EHMT1: variants seen among roughly 807,000 people sequenced by gnomAD.
EHMT1 encodes histone-lysine N-methyltransferase EHMT1.
EHMT1 carries 15 observed loss-of-function variants against 147.2 expected under a neutral mutation model. The observed-to-expected ratio is 0.10, with a 90% CI of 0.07 to 0.16. The LOEUF is 0.16. EHMT1 is among the 10% of genes least tolerant of loss of function. The pLI, the probability that EHMT1 is intolerant of heterozygous loss-of-function variation, is 1.00. For missense variants in EHMT1, 1,587 were observed against 1,772.4 expected, an observed-to-expected ratio of 0.90 and a Z score of 1.88; for synonymous variants, 795 against 709.6, an observed-to-expected ratio of 1.12 and a Z score of -1.91.
At chr9:137,634,165 T>C (rs2133675495) in intron 1 of EHMT1, among the ~76,000 whole-genome samples, 1 of 152,332 alleles carries the variant, frequency 6.6e-6, no homozygotes, top group Non-Finnish European at 1.5e-5. Context: ...TTTTAATTTT[T>C]GATGAAATCC....
intron 9 of EHMT1, among the ~76,000 whole-genome samples, chr9:137,761,785 G>T (rs1351869309): frequency 6.6e-6 from 1 of 152,216 alleles, no homozygotes; most frequent in Admixed American, 6.5e-5. Context: ...ATTAAGAGAG[G>T]TAATAGTGAG....
In EHMT1 at chr9:137,815,969, T is replaced by G; in HGVS notation, c.3281T>G (p.Phe1094Cys). ...YDKDGRLLPE[F>C]NMAEPPLIFE... ...CAGGATGGCCGGCTCCTGCCAGAGTTCAACATGGCGGAGCCTCCCTTGATC... is the reference window on the plus strand; with the variant it reads ...CAGGATGGCCGGCTCCTGCCAGAGTGCAACATGGCGGAGCCTCCCTTGATC... The change falls in exon 23 of 27, where the codon TTC (phenylalanine) becomes TGC (cysteine). Residue 1094 changes from phenylalanine to cysteine, a missense_variant. Transcript: ENST00000460843. The G allele has an allele frequency of 6.2e-7, 1 of 1,610,146 alleles. No individual in the cohort carries two copies. Among genetic ancestry groups the G allele is most frequent in the Non-Finnish European group, 8.5e-7 (1 of 1,178,258 alleles).
At chr9:137,712,647 C>T (rs1005167372) in intron 2 of EHMT1, among the ~76,000 whole-genome samples, 32 of 152,238 alleles carry the variant, frequency 2.1e-4, no homozygotes, top group African/African-American at 7.2e-4. Flanking sequence ...GTTGAGTTTT[C>T]AGTGTTCTTT....
intron 1 of EHMT1, among the ~76,000 whole-genome samples, chr9:137,704,190 C>T (rs907636836): frequency 2.0e-5 from 3 of 152,186 alleles, no homozygotes; most frequent in Admixed American, 6.5e-5. Context: ...TTCGGGATTA[C>T]AGTTCAACAT....
At chr9:137,759,682 G>A (rs569677894) in intron 9 of EHMT1, among the ~76,000 whole-genome samples, 1 of 152,364 alleles carries the variant, frequency 6.6e-6, no homozygotes, top group African/African-American at 2.4e-5. Flanking sequence ...GTCAGTCAGC[G>A]ATTGGCCTGT....
intron 23 of EHMT1, 70 bp from the exon 24 acceptor site, chr9:137,817,369 G>T: frequency 1.3e-6 from 2 of 1,571,948 alleles, no homozygotes; most frequent in Non-Finnish European, 1.8e-6. Flanking sequence ...GCACCAGCTG[G>T]CTTTTGCTGA....
chr9:137,815,456 C>G (rs948283116), intron 22 of EHMT1: 1 of 247,394 alleles, frequency 4.0e-6, no homozygotes, highest in Non-Finnish European at 8.0e-6. Context: ...CTCACACAGC[C>G]CTGGGGGAGC....
At position 137,787,093 on chromosome 9, in the gene EHMT1, A is replaced by G. The variant is rs1952038213; in HGVS notation, c.2383-3755A>G. On this transcript the variant is annotated intron_variant, in intron 15 of 26. Transcript: ENST00000460843. This position sits in a 1 kb window ranked among gnomAD's most constrained non-coding sequence, Gnocchi z 4.2. ...TCGGTGTCCTGGTCCCTCGTGTTGC[A>G]AGATTTCATGCCGTGTCTGCAGTTT... 1 of 152,222 alleles carries G rather than the reference A, an allele frequency of 6.6e-6. No homozygotes were observed. Among genetic ancestry groups the G allele is most frequent in the Non-Finnish European group, 1.5e-5 (1 of 68,170 alleles). 9.4% of individuals were successfully genotyped at this position (152,222 alleles called of 1,614,324 possible). A position where few individuals can be genotyped will look rare whatever the true frequency, so the allele number is the denominator to read the frequency against.
intron 1 of EHMT1, chr9:137,665,090 G>A (rs1394936311): frequency 6.6e-6 from 1 of 152,034 alleles, no homozygotes; most frequent in Non-Finnish European, 1.5e-5. Context: ...AGAAGGATTG[G>A]TGTTATTTAC....
intron 9 of EHMT1, among the ~76,000 whole-genome samples, chr9:137,760,845 T>TA (rs1949752914): frequency 6.6e-6 from 1 of 152,076 alleles, no homozygotes; most frequent in South Asian, 2.1e-4. Flanking sequence ...CCGTCTCTAC[T>TA]GAAATACAAA....
chr9:137,679,171 G>A (rs1329839467), intron 1 of EHMT1, among the ~76,000 whole-genome samples: 1 of 152,084 alleles, frequency 6.6e-6, no homozygotes, highest in East Asian at 1.9e-4. Context: ...GGCTGGTCTC[G>A]AACTCCTGAC....
intron 1 of EHMT1, among the ~76,000 whole-genome samples, chr9:137,703,548 C>T (rs963583836): frequency 2.0e-5 from 3 of 152,126 alleles, no homozygotes; most frequent in African/African-American, 7.2e-5. Context: ...TTCAAAGTTC[C>T]ACAGATCCTT....
Position 137,814,492 on chromosome 9 carries a change from G to T in EHMT1, c.3242G>T (p.Arg1081Leu). The T allele has an allele frequency of 6.2e-7, 1 of 1,607,580 alleles. No individual in the cohort carries two copies. The change falls in exon 22 of 27, where the codon CGC becomes CTC. Residue 1081 changes from arginine (R) to leucine (L), a missense_variant. Arg to Leu is a moderately radical substitution (Grantham distance 102, BLOSUM62 -2). Coordinates refer to ENST00000460843, the MANE Select transcript of EHMT1 (RefSeq NM_024757.5). Reference protein sequence around the residue: ...SNCMCGQLSMRCWYDKDGRLL... With the variant: ...SNCMCGQLSMLCWYDKDGRLL... The stretch of plus-strand genomic sequence containing the variant: ...TGCATGTGCGGCCAGCTCAGCATGC[G>T]CTGCTGGTACGACAAGGTGAGGGCG...
chr9:137,673,674 G>A (rs1177608161), intron 1 of EHMT1, among the ~76,000 whole-genome samples: 1 of 152,246 alleles, frequency 6.6e-6, no homozygotes, highest in Non-Finnish European at 1.5e-5. Flanking sequence ...CTGCCCTCAG[G>A]GAGGCTCTGG....
rs769561363 is a variant in EHMT1 at position 137,716,632 on chromosome 9, C to G, written c.92C>G (p.Pro31Arg). The G allele has an allele frequency of 7.0e-6, 11 of 1,565,970 alleles. No homozygotes were observed. The East Asian group carries it at 2.3e-4, about 32-fold the overall frequency. ...VKTELLGEET[P>R]MAADEGSAEK... ...CTCGTTTCTTTGTTGGCAGAGACAC[C>G]TATGGCTGCCGATGAAGGCTCAGCA... Residue 31 changes from proline to arginine, a missense_variant, in exon 3 of 27, where the codon CCT (proline) becomes CGT (arginine). Physicochemically the swap from Pro to Arg is moderately radical, Grantham distance 103. This residue lies in a region of EHMT1 where 810 missense variants were observed against 673.0 expected (regional missense o/e 1.20). Transcript: ENST00000460843.
At chr9:137,623,817 T>C (rs1843087986) in intron 1 of EHMT1, among the ~76,000 whole-genome samples, 1 of 152,098 alleles carries the variant, frequency 6.6e-6, no homozygotes, top group South Asian at 2.1e-4. Context: ...CAGTTTTCAT[T>C]GTTGCTCTTG....
In EHMT1 at chr9:137,619,495, C is replaced by T. The variant is rs372607893; in HGVS notation, c.21+446C>T. Reference sequence around the variant, plus strand: ...CGCCGGCCGAGGCGAGGCTGTCCCTCCTCTCGGAGCTCTTCCTTCGCTTCG... The same window carrying T: ...CGCCGGCCGAGGCGAGGCTGTCCCTTCTCTCGGAGCTCTTCCTTCGCTTCG... On this transcript the variant is annotated intron_variant, in intron 1 of 26. Coordinates refer to ENST00000460843, the MANE Select transcript of EHMT1 (RefSeq NM_024757.5). 7.2e-4 allele frequency among the ~76,000 whole-genome samples: 110 copies of T among 152,226 alleles called. 1 individual carries two copies. The highest frequency in any genetic ancestry group is 2.6e-3 in the African/African-American group (110 of 41,582).
chr9:137,748,770 C>G (rs1948750315), intron 6 of EHMT1, among the ~76,000 whole-genome samples: 1 of 152,244 alleles, frequency 6.6e-6, no homozygotes, highest in Admixed American at 6.5e-5. Flanking sequence ...ATTCACATCC[C>G]AAACATTTAT....
At chr9:137,823,715 G>C (rs531957013) in intron 25 of EHMT1, among the ~76,000 whole-genome samples, 2 of 151,436 alleles carry the variant, frequency 1.3e-5, no homozygotes, top group African/African-American at 4.9e-5. Flanking sequence ...CCGGCCCAAC[G>C]CCTGGCTAAT....
Sources: gnomAD v4.1 joint callset for allele counts (sites outside exome capture counted in the v4.1 genomes callset) on GRCh38, gnomAD v4.1.1 for gene constraint, gnomAD v4.1.1 regional missense constraint, Gnocchi (gnomAD v3.1) non-coding constraint, MANE v1.5 for transcripts, NCBI Gene and HGNC (gene_info 2026-07-23, HGNC 2026-07-21) for gene names.